The following NSFL1C variants were observed in gnomAD, a reference collection of about 807,000 sequenced individuals.
The protein encoded by NSFL1C is NSFL1 cofactor p47.
In NSFL1C, 14 loss-of-function variants were observed where a neutral mutation model predicts 43.1. The observed-to-expected ratio is 0.32, with a 90% CI of 0.21 to 0.51. NSFL1C has a LOEUF of 0.51. Among genes scored for constraint, NSFL1C ranks in the 20% least tolerant of loss-of-function variants. The pLI is 0.98. For synonymous variants in NSFL1C, 171 were observed against 183.5 expected, an observed-to-expected ratio of 0.93 and a Z score of 0.55; for missense variants, 406 against 472.5, an observed-to-expected ratio of 0.86 and a Z score of 1.30.
intron 8 of NSFL1C, 107 bp from the exon 9 acceptor site, chr20:1,444,018 A>G (rs1221486808): frequency 1.6e-6 from 2 of 1,238,586 alleles, no homozygotes; most frequent in Non-Finnish European, 2.2e-6. Flanking sequence ...CTTTCTCCAC[A>G]GAACAGCGAA....
chr20:1,464,345 T>C lies in NSFL1C; in HGVS notation c.187A>G (p.Arg63Gly), dbSNP rs1599977228. Reference protein sequence around the residue: ...ISQATPSSVSRGTAPSDNRVT... With the variant: ...ISQATPSSVSGGTAPSDNRVT... ...GGCCCTTACCTGGGGGCTGTGCCTCTGGACACTGAACTGGGGGTTGCCTGC... is the reference window on the plus strand; with the variant it reads ...GGCCCTTACCTGGGGGCTGTGCCTCCGGACACTGAACTGGGGGTTGCCTGC... The change falls in exon 2 of 9, where the codon AGA (arginine) becomes GGA (glycine). Residue 63 changes from arginine (R) to glycine (G), a missense_variant. Physicochemically the swap from Arg to Gly is moderately radical, Grantham distance 125. Coordinates refer to ENST00000216879, the MANE Select transcript of NSFL1C (RefSeq NM_016143.5). 1.9e-6 allele frequency: 3 copies of C among 1,614,136 alleles called. No homozygotes were observed. Among genetic ancestry groups the C allele is most frequent in the Non-Finnish European group, 2.5e-6 (3 of 1,180,032 alleles).
chr20:1,452,604 A>G lies in NSFL1C; in HGVS notation c.674T>C (p.Leu225Pro). 1.2e-6 allele frequency: 2 copies of G among 1,614,176 alleles called. No individual in the cohort carries two copies. Among genetic ancestry groups the G allele is most frequent in the Non-Finnish European group, 8.5e-7 (1 of 1,180,024 alleles). ...CAAGTTCACCTGTCCACCGTGAGCT[A>G]GCCTCCGAAGCTCTGCTGGCACCTC... ...RGEVPAELRR[L>P]AHGGQVNLDM... Residue 225 changes from leucine to proline, a missense_variant, in exon 7 of 9, where the codon CTA becomes CCA. Coordinates refer to ENST00000216879, the MANE Select transcript of NSFL1C (RefSeq NM_016143.5).
intron 2 of NSFL1C, among the ~76,000 whole-genome samples, chr20:1,463,003 C>G (rs2090446068): frequency 6.6e-6 from 1 of 152,162 alleles, no homozygotes; most frequent in South Asian, 2.1e-4. Context: ...ACTATCATTA[C>G]CATTTGACAG....
At chr20:1,445,256 G>A (rs530597996) in intron 8 of NSFL1C, among the ~76,000 whole-genome samples, 10 of 152,268 alleles carry the variant, frequency 6.6e-5, no homozygotes, top group South Asian at 4.1e-4. Flanking sequence ...GGCCCCTTGT[G>A]GGGAGGGAGG....
chr20:1,450,472 TAATA>T (rs2122852908), intron 7 of NSFL1C, among the ~76,000 whole-genome samples: 1 of 152,340 alleles, frequency 6.6e-6, no homozygotes, highest in Non-Finnish European at 1.5e-5. Context: ...TTCTCCACAT[TAATA>T]TTTATTCCTA....
chr20:1,454,369 C>A, intron 4 of NSFL1C, 64 bp from the exon 5 acceptor site: 1 of 1,087,594 alleles, frequency 9.2e-7, no homozygotes, highest in South Asian at 1.3e-5. Context: ...TACTCAGATA[C>A]AATGATATAT....
intron 7 of NSFL1C, among the ~76,000 whole-genome samples, chr20:1,449,141 G>A (rs2090132836): frequency 6.6e-6 from 1 of 152,198 alleles, no homozygotes; most frequent in Non-Finnish European, 1.5e-5. Context: ...CAAGTCTCAG[G>A]ATCCTTCTTT....
intron 4 of NSFL1C, 80 bp downstream of exon 4, chr20:1,454,887 C>T (rs767587995): frequency 6.6e-5 from 94 of 1,431,890 alleles, no homozygotes; most frequent in Non-Finnish European, 9.0e-5. Context: ...AAAAATCAGT[C>T]ACTACCGGGG....
chr20:1,465,126 TC>T (rs2090483885), intron 1 of NSFL1C, among the ~76,000 whole-genome samples: 1 of 152,232 alleles, frequency 6.6e-6, no homozygotes, highest in African/African-American at 2.4e-5. Context: ...AATATGGGAA[TC>T]CTTTGGTCAT....
chr20:1,458,067 C>A (rs1160557698), intron 3 of NSFL1C, 133 bp downstream of exon 3: 4 of 742,340 alleles, frequency 5.4e-6, no homozygotes, highest in Non-Finnish European at 9.6e-6. Flanking sequence ...AAGATATAAC[C>A]CACACAGACC....
chr20:1,447,443 T>C (rs951810056), intron 7 of NSFL1C, among the ~76,000 whole-genome samples: 3 of 151,052 alleles, frequency 2.0e-5, no homozygotes, highest in African/African-American at 7.3e-5. Context: ...TTTTTTTTGC[T>C]TTTTGTTGTT....
At chr20:1,451,136 A>G (rs2090172404) in intron 7 of NSFL1C, among the ~76,000 whole-genome samples, 1 of 152,218 alleles carries the variant, frequency 6.6e-6, no homozygotes, top group Admixed American at 6.5e-5. Flanking sequence ...ATCACAACTG[A>G]CAGGGACACT....
At chr20:1,444,063 C>T in intron 8 of NSFL1C, 152 bp from the exon 9 acceptor site, 1 of 783,902 alleles carries the variant, frequency 1.3e-6, no homozygotes, top group Non-Finnish European at 2.0e-6. Flanking sequence ...AAGTCCCTTC[C>T]TTGCCAAGAG....
chr20:1,458,948 G>A (rs1417133841), intron 2 of NSFL1C, among the ~76,000 whole-genome samples: 1 of 152,156 alleles, frequency 6.6e-6, no homozygotes, highest in African/African-American at 2.4e-5. Context: ...TATGGGATGG[G>A]CACAACTAAA....
At chr20:1,450,170 A>G (rs1471946737) in intron 7 of NSFL1C, among the ~76,000 whole-genome samples, 1 of 152,258 alleles carries the variant, frequency 6.6e-6, no homozygotes, top group African/African-American at 2.4e-5. Flanking sequence ...CAAATCTGAG[A>G]AAATTTTCAG....
Position 1,443,823 on chromosome 20 carries a change from C to T in NSFL1C, c.1039G>A (p.Glu347Lys), listed in dbSNP as rs570851145. Residue 347 changes from glutamate to lysine, a missense_variant, in exon 9 of 9, where the codon GAG (glutamate) becomes AAG (lysine). Physicochemically the swap from Glu to Lys is moderately conservative, Grantham distance 56. This residue lies in a region of NSFL1C where 196 missense variants were observed against 228.0 expected (regional missense o/e 0.86). Transcript: ENST00000216879. ...FILMTTFPNK[E>K]LADESQTLKE... ...AGGGTCTGGCTCTCATCAGCCAGCT[C>T]TTTGTTCGGGAAAGTAGTCATGAGG... 1 of 1,614,116 alleles carries T rather than the reference C, an allele frequency of 6.2e-7. No individual in the cohort carries two copies. The highest frequency in any genetic ancestry group is 1.7e-5 in the Admixed American group (1 of 60,014).
At position 1,445,740 on chromosome 20, in the gene NSFL1C, T is replaced by C. The variant is rs1474650139; in HGVS notation, c.876A>G (p.Ser292=). Residue 292 remains serine (S), a synonymous_variant, in exon 8 of 9, where the codon TCA becomes TCG. Coordinates refer to ENST00000216879, the MANE Select transcript of NSFL1C (RefSeq NM_016143.5). ...GAATTTGGATGTTTGTGGTAGGCTC[T>C]GATTCGTCGATTAAGATGGAAGAGC... ...KASSSILIDE[S]EPTTNIQIRL... 6.2e-7 allele frequency: 1 copy of C among 1,614,008 alleles called. No homozygotes were observed. Among genetic ancestry groups the C allele is most frequent in the Non-Finnish European group, 8.5e-7 (1 of 1,180,028 alleles).
intron 2 of NSFL1C, among the ~76,000 whole-genome samples, chr20:1,459,570 T>G (rs2090370171): frequency 6.6e-6 from 1 of 152,136 alleles, no homozygotes; most frequent in African/African-American, 2.4e-5. Flanking sequence ...GGAAGAAAGC[T>G]CCAGTTCAGT....
intron 5 of NSFL1C, among the ~76,000 whole-genome samples, chr20:1,453,709 C>T (rs979487575): frequency 6.6e-6 from 1 of 151,966 alleles, no homozygotes; most frequent in African/African-American, 2.4e-5. Context: ...TTAATGATCA[C>T]AAGACTACAA....
Sources: allele counts gnomAD v4.1 joint callset (sites outside exome capture counted in the v4.1 genomes callset), GRCh38; gene constraint gnomAD v4.1.1; regional missense constraint gnomAD v4.1.1; transcripts MANE v1.5; gene names NCBI Gene and HGNC (gene_info 2026-07-23, HGNC 2026-07-21).